Variants in FLACC1 observed in about 807,000 individuals in gnomAD.
FLACC1 encodes flagellum associated containing coiled-coil domains 1.
Under a neutral mutation model 62.8 loss-of-function variants are expected in FLACC1, and 66 were observed. That is an observed-to-expected ratio of 1.05 (90% confidence interval 0.86 to 1.29). The LOEUF (loss-of-function observed/expected upper bound fraction) is 1.29. Ranked by LOEUF, FLACC1 falls within the 50% of genes most tolerant of loss-of-function variation. FLACC1 has a pLI of 0.00. For synonymous variants in FLACC1, 156 were observed against 161.0 expected, an observed-to-expected ratio of 0.97 and a Z score of 0.24; for missense variants, 452 against 489.1, an observed-to-expected ratio of 0.92 and a Z score of 0.71.
rs190680425 is a variant in FLACC1, at chr2:201,289,371, G to A, written c.1142+86C>T. 340 of 1,269,792 alleles carry A rather than the reference G, an allele frequency of 2.7e-4. 3 individuals carry two copies. In the African/African-American group the frequency reaches 4.5e-3, roughly 17 times the overall value. The allele number at this position is 1,269,792 out of a possible 1,614,324, so 78.7% of individuals were successfully genotyped here. ...CCTTGACATAACTAGGGAGCAGTTGGTCTATCTTCCTAACCCATTCCTCAC... is the reference window on the plus strand; with the variant it reads ...CCTTGACATAACTAGGGAGCAGTTGATCTATCTTCCTAACCCATTCCTCAC... On this transcript the variant is annotated intron_variant, in intron 14 of 14. Transcript: ENST00000392257.
chr2:201,355,584 G>C (rs1286225662), intron 1 of FLACC1, among the ~76,000 whole-genome samples: 1 of 152,020 alleles, frequency 6.6e-6, no homozygotes, highest in Non-Finnish European at 1.5e-5. Context: ...GGCCTCACAG[G>C]TGTGGTGGCA....
At chr2:201,330,967 A>T in intron 7 of FLACC1, 134 bp from the exon 8 acceptor site, 1 of 606,674 alleles carries the variant, frequency 1.6e-6, no homozygotes, top group South Asian at 3.3e-5. Context: ...TAAAATTTTT[A>T]AATCTTTTTT....
At chr2:201,290,005 C>T in intron 12 of FLACC1, 1 of 710,802 alleles carries the variant, frequency 1.4e-6, no homozygotes, top group Non-Finnish European at 2.3e-6. Context: ...TAATGGCAAT[C>T]AGTTATTCAT....
At chr2:201,299,137 C>A in intron 12 of FLACC1, 101 bp downstream of exon 12, 1 of 1,170,238 alleles carries the variant, frequency 8.5e-7, no homozygotes, top group Non-Finnish European at 1.2e-6. Flanking sequence ...TTCTTATTGG[C>A]TTTGGGGAAA....
chr2:201,329,017 T>C (rs951769200), intron 9 of FLACC1, among the ~76,000 whole-genome samples: 1 of 152,208 alleles, frequency 6.6e-6, no homozygotes, highest in Non-Finnish European at 1.5e-5. Flanking sequence ...AATTCTCTCC[T>C]GTCCCTTTGT....
intron 8 of FLACC1, 38 bp from the exon 9 acceptor site, chr2:201,330,560 T>G (rs1393570190): frequency 1.2e-6 from 2 of 1,600,686 alleles, no homozygotes; most frequent in Non-Finnish European, 1.7e-6. Flanking sequence ...TCATTAGTCT[T>G]CTGATATGCA....
At chr2:201,298,108 C>A (rs1371615995) in intron 12 of FLACC1, among the ~76,000 whole-genome samples, 1 of 152,024 alleles carries the variant, frequency 6.6e-6, no homozygotes, top group African/African-American at 2.4e-5. Flanking sequence ...TGGAACAATC[C>A]CCAGGGCCAA....
chr2:201,358,349 C>G (rs1360859031), upstream of FLACC1, among the ~76,000 whole-genome samples: 1 of 152,128 alleles, frequency 6.6e-6, no homozygotes, highest in East Asian at 1.9e-4. Flanking sequence ...CTCAAGCGAT[C>G]CTTCTGCCTC....
chr2:201,331,111 G>A (rs1350949718), intron 7 of FLACC1, among the ~76,000 whole-genome samples: 2 of 151,776 alleles, frequency 1.3e-5, no homozygotes, highest in African/African-American at 4.8e-5. Flanking sequence ...TGGGAACACA[G>A]GCATGTGCCA....
At chr2:201,319,367 G>C (rs564388806) in intron 9 of FLACC1, among the ~76,000 whole-genome samples, 64 of 152,188 alleles carry the variant, frequency 4.2e-4, no homozygotes, top group Middle Eastern at 3.4e-3. Context: ...AACCCAAGAT[G>C]CCTTAAAGAT....
chr2:201,339,408 C>T (rs1205142840), intron 7 of FLACC1, among the ~76,000 whole-genome samples: 6 of 151,446 alleles, frequency 4.0e-5, no homozygotes, highest in African/African-American at 9.7e-5. Flanking sequence ...GTTTCTATTT[C>T]GTTTAGTTCT....
intron 9 of FLACC1, among the ~76,000 whole-genome samples, chr2:201,315,243 A>C (rs1001113979): frequency 9.8e-5 from 15 of 152,344 alleles, no homozygotes; most frequent in African/African-American, 3.1e-4. Context: ...TAAATGCTCT[A>C]CTTAAAAGAT....
chr2:201,311,598 G>A (rs1950218345), intron 9 of FLACC1, among the ~76,000 whole-genome samples: 1 of 151,510 alleles, frequency 6.6e-6, no homozygotes, highest in Admixed American at 6.6e-5. Flanking sequence ...CTATTTAGGA[G>A]GCTGAGGTGT....
At chr2:201,352,205 C>T (rs1951040846) in intron 1 of FLACC1, 2 of 152,156 alleles carry the variant, frequency 1.3e-5, no homozygotes, top group African/African-American at 4.8e-5. Context: ...AGAGAAATTC[C>T]CACAGCAAGT....
chr2:201,342,447 G>A lies in FLACC1; in HGVS notation c.463-16C>T. 2 of 1,614,002 alleles carry A rather than the reference G, an allele frequency of 1.2e-6. No homozygotes were observed. The highest frequency in any genetic ancestry group is 1.7e-6 in the Non-Finnish European group (2 of 1,179,884). On this transcript the variant is annotated splice_polypyrimidine_tract_variant and intron_variant, in intron 6 of 14. Transcript: ENST00000392257. ...CACTGGAGAGCTGGAAACAAAATCA[G>A]CATCTACAACACAGGACTGAGGACC...
chr2:201,344,380 T>G lies in FLACC1; in HGVS notation c.369-117A>C, dbSNP rs142457050. The G allele has an allele frequency of 2.2e-4, 176 of 809,296 alleles. 1 individual carries two copies. The highest frequency in any genetic ancestry group is 1.3e-3 in the African/African-American group (75 of 57,698). The allele number at this position is 809,296 out of a possible 1,614,324, so 50.1% of individuals were successfully genotyped here. A position where few individuals can be genotyped will look rare whatever the true frequency, so the allele number is the denominator to read the frequency against. ...GCTGGCCTGGTGAGAGCTGGCCATGTTCTGCACCTGCTCTATCATTATGGG... is the reference window on the plus strand; with the variant it reads ...GCTGGCCTGGTGAGAGCTGGCCATGGTCTGCACCTGCTCTATCATTATGGG... On this transcript the variant is annotated intron_variant, in intron 5 of 14. Coordinates refer to ENST00000392257, the MANE Select transcript of FLACC1 (RefSeq NM_001127391.3).
chr2:201,341,581 A>G (rs897097027), intron 7 of FLACC1, among the ~76,000 whole-genome samples: 1 of 151,422 alleles, frequency 6.6e-6, no homozygotes, highest in Non-Finnish European at 1.5e-5. Context: ...AGATTACTAT[A>G]TACATATAGT....
At chr2:201,344,087 G>T in intron 6 of FLACC1, 83 bp downstream of exon 6, 1 of 1,250,326 alleles carries the variant, frequency 8.0e-7, no homozygotes, top group Non-Finnish European at 1.1e-6. Context: ...AAAGTGCTTG[G>T]CATTTTGCCT....
chr2:201,355,889 T>C (rs1391928721), intron 1 of FLACC1, among the ~76,000 whole-genome samples: 1 of 151,906 alleles, frequency 6.6e-6, no homozygotes, highest in East Asian at 1.9e-4. Context: ...AAAATAAAAA[T>C]AAAGGCCTTT....
Sources: gnomAD v4.1 joint callset for allele counts (sites outside exome capture counted in the v4.1 genomes callset) on GRCh38, gnomAD v4.1.1 for gene constraint, MANE v1.5 for transcripts, NCBI Gene and HGNC (gene_info 2026-07-23, HGNC 2026-07-21) for gene names.